RAB33B: variants seen among roughly 807,000 people sequenced by gnomAD.
The protein encoded by RAB33B is RAB33B, member RAS oncogene family, also known as ras-related protein Rab-33B.
RAB33B carries 6 observed loss-of-function variants against 15.0 expected under a neutral mutation model. The ratio of observed to expected loss-of-function variants is 0.40; its 90% CI spans 0.22 to 0.79. The LOEUF is 0.79. RAB33B is among the 30% of genes least tolerant of loss of function. The pLI, the probability that RAB33B is intolerant of heterozygous loss-of-function variation, is 0.37. For synonymous variants in RAB33B, 117 were observed against 108.3 expected (o/e 1.08, Z -0.50); for missense variants, 257 against 296.4 (o/e 0.87, Z 0.98).
the RAB33B span, among the ~76,000 whole-genome samples, chr4:139,447,960 C>T: frequency 6.6e-6 from 1 of 150,946 alleles, no homozygotes; most frequent in South Asian, 2.1e-4. Flanking sequence ...AGCCACCGCG[C>T]CCGGCCCAGT....
Position 139,474,374 on chromosome 4 carries a change from T to A in RAB33B, c.*1248T>A, listed in dbSNP as rs1750460419. 1.3e-5 allele frequency: 2 copies of A among 152,196 alleles called. No individual in the cohort carries two copies. The highest frequency in any genetic ancestry group is 2.4e-5 in the African/African-American group (1 of 41,450). 9.4% of individuals were successfully genotyped at this position (152,196 alleles called of 1,614,324 possible). A position where few individuals can be genotyped will look rare whatever the true frequency, so the allele number is the denominator to read the frequency against. ...TGGGGGAAAATAGGTAAACATAGCT[T>A]CTAGCTAACACAGGAGACCTATTCT... is the stretch of plus-strand genomic sequence containing the variant. On this transcript the variant is annotated 3_prime_UTR_variant, in exon 2 of 2. Coordinates refer to ENST00000305626, the MANE Select transcript of RAB33B (RefSeq NM_031296.3).
intron 1 of RAB33B, among the ~76,000 whole-genome samples, chr4:139,463,750 A>G (rs1192967080): frequency 2.0e-5 from 3 of 152,250 alleles, no homozygotes; most frequent in Admixed American, 2.0e-4. Flanking sequence ...TATGGTCAAC[A>G]GTTTTTAATC....
At chr4:139,441,263 A>G in the RAB33B span, among the ~76,000 whole-genome samples, 1 of 152,150 alleles carries the variant, frequency 6.6e-6, no homozygotes, top group African/African-American at 2.4e-5. Flanking sequence ...ACTTCATAAC[A>G]CGGCTAGCTC....
At chr4:139,449,479 G>A (rs1367459329), upstream of RAB33B, 2 of 152,076 alleles carry the variant, frequency 1.3e-5, no homozygotes, top group Non-Finnish European at 2.9e-5. Flanking sequence ...TGAGTTAGTG[G>A]GCTGGGAAAG....
chr4:139,445,275 CTG>C, the RAB33B span, among the ~76,000 whole-genome samples: 1 of 152,232 alleles, frequency 6.6e-6, no homozygotes, highest in South Asian at 2.1e-4. Context: ...TGTACTACCT[CTG>C]TGGTATATCA....
intron 1 of RAB33B, among the ~76,000 whole-genome samples, chr4:139,457,715 C>T (rs1316784956): frequency 6.6e-6 from 1 of 152,072 alleles, no homozygotes; most frequent in Non-Finnish European, 1.5e-5. Context: ...CAAAAATGGT[C>T]TTTTGCCTGT....
upstream of RAB33B, chr4:139,453,985 G>A (rs1170483188): frequency 4.2e-5 from 19 of 450,428 alleles, no homozygotes; most frequent in South Asian, 7.1e-4. Context: ...GCGGGCAGGC[G>A]GCTCCGTGCG....
chr4:139,454,150 T>G lies in RAB33B; in HGVS notation c.-46T>G. On this transcript the variant is annotated 5_prime_UTR_variant, in exon 1 of 2. Coordinates refer to ENST00000305626, the MANE Select transcript of RAB33B (RefSeq NM_031296.3). ...TTGCGGTGGCGTAATCTCTCAGCCTTTCTGTGTCTCCTTTCCTCCGCCTCA... is the reference window on the plus strand; with the variant it reads ...TTGCGGTGGCGTAATCTCTCAGCCTGTCTGTGTCTCCTTTCCTCCGCCTCA... The G allele has an allele frequency of 6.4e-7, 1 of 1,568,454 alleles. No homozygotes were observed.
At chr4:139,462,639 G>A (rs1014687225) in intron 1 of RAB33B, among the ~76,000 whole-genome samples, 1 of 152,146 alleles carries the variant, frequency 6.6e-6, no homozygotes, top group Non-Finnish European at 1.5e-5. Flanking sequence ...AGAACTCTTT[G>A]CTTTTTGTAT....
the RAB33B span, among the ~76,000 whole-genome samples, chr4:139,446,845 T>C: frequency 6.6e-6 from 1 of 152,146 alleles, no homozygotes; most frequent in Non-Finnish European, 1.5e-5. Flanking sequence ...GAGTGCCCAA[T>C]TTGCCAGCAG....
the RAB33B span, among the ~76,000 whole-genome samples, chr4:139,438,981 A>G: frequency 1.3e-5 from 2 of 151,942 alleles, no homozygotes; most frequent in Non-Finnish European, 2.9e-5. Context: ...TTCTACTTCA[A>G]TTTCGAAGGA....
upstream of RAB33B, chr4:139,448,838 A>ATG (rs1331592930): frequency 6.6e-6 from 1 of 152,000 alleles, no homozygotes; most frequent in Admixed American, 6.6e-5. Flanking sequence ...ATGTGAGTAT[A>ATG]TGAATGTGAA....
At chr4:139,450,886 G>C (rs531364938), upstream of RAB33B, 3 of 150,022 alleles carry the variant, frequency 2.0e-5, no homozygotes, top group Non-Finnish European at 4.4e-5. Context: ...TTATCCTTAT[G>C]CTATTCTGTT....
At chr4:139,461,088 T>A (rs1750163429) in intron 1 of RAB33B, among the ~76,000 whole-genome samples, 1 of 152,224 alleles carries the variant, frequency 6.6e-6, no homozygotes, top group Admixed American at 6.5e-5. Context: ...AAAGGGAATT[T>A]ATTTTTTCAT....
At chr4:139,452,716 G>C (rs967841206), upstream of RAB33B, 1 of 152,094 alleles carries the variant, frequency 6.6e-6, no homozygotes, top group African/African-American at 2.4e-5. Context: ...TTATATCAAG[G>C]CTTTTGCAAA....
rs778229509 is a variant in RAB33B, at chr4:139,454,324, T to G, written c.129T>G (p.Asn43Lys). 1 of 1,613,972 alleles carries G rather than the reference T, an allele frequency of 6.2e-7. No homozygotes were observed. Among genetic ancestry groups the G allele is most frequent in the South Asian group, 1.1e-5 (1 of 91,082 alleles). ...IFKIIVIGDS[N>K]VGKTCLTYRF... ...AGATAATCGTGATCGGCGACTCCAATGTGGGCAAGACATGCCTGACCTACC... is the reference window on the plus strand; with the variant it reads ...AGATAATCGTGATCGGCGACTCCAAGGTGGGCAAGACATGCCTGACCTACC... Residue 43 changes from asparagine (N) to lysine (K), a missense_variant, in exon 1 of 2, where the codon AAT becomes AAG. By Grantham distance (94) the Asn-to-Lys change is moderately conservative (BLOSUM62 0). Transcript: ENST00000305626.
At chr4:139,462,277 T>C (rs1337033137) in intron 1 of RAB33B, among the ~76,000 whole-genome samples, 3 of 151,962 alleles carry the variant, frequency 2.0e-5, no homozygotes, top group African/African-American at 7.2e-5. Context: ...ATGGTCTCGA[T>C]CTCCTGACCT....
At chr4:139,439,534 T>C in the RAB33B span, among the ~76,000 whole-genome samples, 4 of 152,254 alleles carry the variant, frequency 2.6e-5, no homozygotes, top group African/African-American at 4.8e-5. Flanking sequence ...ACTTGGTTTA[T>C]TGAACTTCTT....
chr4:139,464,753 G>A (rs1426058087), intron 1 of RAB33B, among the ~76,000 whole-genome samples: 1 of 152,182 alleles, frequency 6.6e-6, no homozygotes, highest in East Asian at 1.9e-4. Context: ...ATTCCATGGT[G>A]TATATGTGCC....
Sources: gnomAD v4.1 joint callset for allele counts (sites outside exome capture counted in the v4.1 genomes callset) on GRCh38, gnomAD v4.1.1 for gene constraint, MANE v1.5 for transcripts, NCBI Gene and HGNC (gene_info 2026-07-23, HGNC 2026-07-21) for gene names.